The following MINDY4 variants were observed in gnomAD, a reference collection of about 807,000 sequenced individuals.
The protein encoded by MINDY4 is MINDY lysine 48 deubiquitinase 4.
Under a neutral mutation model 87.0 loss-of-function variants are expected in MINDY4, and 68 were observed. The ratio of observed to expected loss-of-function variants is 0.78; its 90% CI spans 0.64 to 0.96. The LOEUF (loss-of-function observed/expected upper bound fraction) is 0.96, where lower values mean the gene tolerates loss of function less well. Among genes scored for constraint, MINDY4 ranks in the 40% least tolerant of loss-of-function variants. MINDY4 has a pLI of 0.00. For synonymous variants in MINDY4, 379 were observed against 363.2 expected (o/e 1.04, Z -0.50); for missense variants, 919 against 928.2 (o/e 0.99, Z 0.13).
chr7:30,810,445 A>G (rs1040713414), intron 5 of MINDY4, among the ~76,000 whole-genome samples: 3 of 152,020 alleles, frequency 2.0e-5, no homozygotes, highest in South Asian at 2.1e-4. Context: ...TTTTACCTAC[A>G]TTAAAAGGTT....
intron 1 of MINDY4, among the ~76,000 whole-genome samples, chr7:30,774,451 G>T (rs1366358934): frequency 1.3e-5 from 2 of 152,140 alleles, no homozygotes; most frequent in African/African-American, 4.8e-5. Context: ...ATCAGCACAT[G>T]TTGTGCTCCT....
At position 30,853,446 on chromosome 7, in the gene MINDY4, A is replaced by G. The variant is rs1584317636; in HGVS notation, c.1664A>G (p.Gln555Arg). The change falls in exon 12 of 18, where the codon CAA becomes CGA. Residue 555 changes from glutamine to arginine, a missense_variant. Transcript: ENST00000265299. ...GAGGACCTGGTGACTTTTCTTCAACAAAGCATTCATCAGGTATGAAGCATG... is the reference window on the plus strand; with the variant it reads ...GAGGACCTGGTGACTTTTCTTCAACGAAGCATTCATCAGGTATGAAGCATG... ...CYEDLVTFLQ[Q>R]SIHQFEVGPY... 1 of 1,613,052 alleles carries G rather than the reference A, an allele frequency of 6.2e-7. No homozygotes were observed. Among genetic ancestry groups the G allele is most frequent in the Admixed American group, 1.7e-5 (1 of 59,966 alleles).
Position 30,792,216 on chromosome 7 carries a change from A to G in MINDY4, c.1073+642A>G, listed in dbSNP as rs551721492. On this transcript the variant is annotated intron_variant, in intron 5 of 17. Transcript: ENST00000265299. ...TTGATTGATTTCTGAATGTTAAACC[A>G]ACCTTACATCCTAAGAATAAATCCC... 5.9e-5 allele frequency among the ~76,000 whole-genome samples: 9 copies of G among 152,376 alleles called. No homozygotes were observed. In the South Asian group the frequency reaches 1.9e-3, roughly 32 times the overall value.
chr7:30,812,342 T>C (rs1439828968), intron 5 of MINDY4, among the ~76,000 whole-genome samples: 3 of 152,032 alleles, frequency 2.0e-5, no homozygotes, highest in African/African-American at 7.2e-5. Flanking sequence ...TTTGTCACTA[T>C]AAGTGAAGGG....
chr7:30,888,724 C>G (rs1379006902), intron 17 of MINDY4, among the ~76,000 whole-genome samples: 1 of 152,212 alleles, frequency 6.6e-6, no homozygotes, highest in East Asian at 1.9e-4. Context: ...TAAAATGTCT[C>G]TGCTTTGATT....
chr7:30,869,039 G>A (rs553249586), intron 13 of MINDY4, among the ~76,000 whole-genome samples: 74 of 152,292 alleles, frequency 4.9e-4, no homozygotes, highest in African/African-American at 1.7e-3. Flanking sequence ...CCCTGGAGGG[G>A]CCCCCAGTGC....
chr7:30,850,690 G>T, intron 10 of MINDY4, 135 bp downstream of exon 10: 2 of 789,890 alleles, frequency 2.5e-6, no homozygotes, highest in South Asian at 3.4e-5. Context: ...AGCCCTGCAA[G>T]CCAGCCTGAT....
At chr7:30,882,844 C>T (rs34837095) in intron 16 of MINDY4, 77 bp from the exon 17 acceptor site, 68,564 of 1,346,998 alleles carry the variant, frequency 0.051, 3,654 homozygotes, top group African/African-American at 0.27. Flanking sequence ...GGGCGGGTCT[C>T]GGGAGTGGTC....
At chr7:30,884,875 G>A (rs977651416) in intron 17 of MINDY4, among the ~76,000 whole-genome samples, 3 of 152,164 alleles carry the variant, frequency 2.0e-5, no homozygotes, top group Admixed American at 2.0e-4. Context: ...TTAGTGTGTG[G>A]ACACGGGCCT....
At chr7:30,879,504 C>A (rs1458382584) in intron 15 of MINDY4, among the ~76,000 whole-genome samples, 1 of 152,214 alleles carries the variant, frequency 6.6e-6, no homozygotes, top group Admixed American at 6.5e-5. Flanking sequence ...TCTCACCACC[C>A]CCAATGCCCT....
chr7:30,880,254 C>G (rs1156517911), intron 15 of MINDY4, among the ~76,000 whole-genome samples: 1 of 151,958 alleles, frequency 6.6e-6, no homozygotes, highest in Non-Finnish European at 1.5e-5. Context: ...GTTCCCCCAC[C>G]AGGACAAAGT....
intron 10 of MINDY4, among the ~76,000 whole-genome samples, 160 bp downstream of exon 10, chr7:30,850,715 C>A (rs1303144734): frequency 1.3e-5 from 2 of 152,238 alleles, no homozygotes; most frequent in Admixed American, 1.3e-4. Context: ...TGAGCAGCCG[C>A]AGACTCAGGG....
intron 13 of MINDY4, among the ~76,000 whole-genome samples, chr7:30,860,985 A>G (rs1031925641): frequency 2.6e-5 from 4 of 152,040 alleles, no homozygotes; most frequent in African/African-American, 7.2e-5. Context: ...ACAGATGCAC[A>G]TACGTGGCCA....
At chr7:30,821,497 T>C (rs977642743) in intron 5 of MINDY4, among the ~76,000 whole-genome samples, 3 of 152,202 alleles carry the variant, frequency 2.0e-5, no homozygotes, top group African/African-American at 7.2e-5. Context: ...CTGCCTTTTG[T>C]CTAAGATTTT....
chr7:30,835,340 C>A (rs1450586879), intron 6 of MINDY4, among the ~76,000 whole-genome samples: 1 of 152,190 alleles, frequency 6.6e-6, no homozygotes, highest in Non-Finnish European at 1.5e-5. Context: ...GAGACTTATT[C>A]ACTATCATGA....
chr7:30,839,661 A>G (rs942093554), intron 8 of MINDY4, among the ~76,000 whole-genome samples: 1 of 152,106 alleles, frequency 6.6e-6, no homozygotes, highest in African/African-American at 2.4e-5. Context: ...TAGGCTGATC[A>G]TTGAGAGATT....
rs747671942 is a variant in MINDY4 at position 30,836,644 on chromosome 7, TG to T, written c.1133-12del. The T allele has an allele frequency of 8.7e-6, 14 of 1,608,304 alleles. No homozygotes were observed. The highest frequency in any genetic ancestry group is 1.2e-5 in the Non-Finnish European group (14 of 1,174,996). ...TCATAACGAAGGGCTCACATGGCCATGGTTTTCTTTCAGAGGATGTGGAGGA... is the reference window on the plus strand; with the variant it reads ...TCATAACGAAGGGCTCACATGGCCATGTTTTCTTTCAGAGGATGTGGAGGA... On this transcript the variant is annotated splice_polypyrimidine_tract_variant and intron_variant, in intron 6 of 17. Coordinates refer to ENST00000265299, the MANE Select transcript of MINDY4 (RefSeq NM_032222.3).
At chr7:30,831,288 T>G (rs1788692347) in intron 6 of MINDY4, among the ~76,000 whole-genome samples, 2 of 152,268 alleles carry the variant, frequency 1.3e-5, no homozygotes, top group South Asian at 4.1e-4. Flanking sequence ...CTCGTTCCTT[T>G]TTCAGCACTT....
intron 3 of MINDY4, among the ~76,000 whole-genome samples, chr7:30,784,567 C>T (rs867333067): frequency 2.2e-4 from 33 of 152,354 alleles, no homozygotes; most frequent in Middle Eastern, 6.8e-3. Flanking sequence ...GGGCTTCAGA[C>T]GTTCCCTGCA....
Sources: gnomAD v4.1 joint callset for allele counts (sites outside exome capture counted in the v4.1 genomes callset) on GRCh38, gnomAD v4.1.1 for gene constraint, MANE v1.5 for transcripts, NCBI Gene and HGNC (gene_info 2026-07-23, HGNC 2026-07-21) for gene names.